RBMS2: variants seen among roughly 807,000 people sequenced by gnomAD.
RBMS2 encodes the protein RNA-binding motif, single-stranded-interacting protein 2.
RBMS2 carries 38 observed loss-of-function variants against 58.4 expected under a neutral mutation model. The ratio of observed to expected loss-of-function variants is 0.65; its 90% CI spans 0.50 to 0.85. RBMS2 has a LOEUF of 0.85. RBMS2 is among the 40% of genes least tolerant of loss of function. RBMS2 has a pLI of 0.00. For missense variants in RBMS2, 367 were observed against 503.7 expected, an observed-to-expected ratio of 0.73 and a Z score of 2.60; for synonymous variants, 151 against 180.7, an observed-to-expected ratio of 0.84 and a Z score of 1.32.
At chr12:56,561,765 C>T (rs540390511) in intron 1 of RBMS2, among the ~76,000 whole-genome samples, 4 of 63,520 alleles carry the variant, frequency 6.3e-5, no homozygotes, top group East Asian at 5.1e-4. Context: ...TCCACCCCCC[C>T]CCTCCTTGGC....
At chr12:56,538,735 C>A (rs935616900) in intron 1 of RBMS2, among the ~76,000 whole-genome samples, 1 of 152,024 alleles carries the variant, frequency 6.6e-6, no homozygotes, top group Non-Finnish European at 1.5e-5. Flanking sequence ...CCGCCTTGGC[C>A]TCCCAAAGTG....
chr12:56,549,176 G>A (rs1459693339), intron 1 of RBMS2, among the ~76,000 whole-genome samples: 2 of 151,854 alleles, frequency 1.3e-5, no homozygotes, highest in Non-Finnish European at 2.9e-5. Context: ...TTTATTTTTA[G>A]TAGAGACGGG....
In RBMS2 at chr12:56,577,666, G is replaced by A. The variant is rs369448461; in HGVS notation, c.543-3518G>A. Among the ~76,000 whole-genome samples, 68 of 151,432 alleles carry A rather than the reference G, an allele frequency of 4.5e-4. 1 individual carries two copies. In the East Asian group the frequency reaches 0.012, roughly 26 times the overall value. ...ATTTTTTGGTGGGGGGATGGTGGGGGCAGCAAATTTTTTAATTTTTTAATT... is the reference window on the plus strand; with the variant it reads ...ATTTTTTGGTGGGGGGATGGTGGGGACAGCAAATTTTTTAATTTTTTAATT... On this transcript the variant is annotated intron_variant, in intron 5 of 13. Coordinates refer to ENST00000262031, the MANE Select transcript of RBMS2 (RefSeq NM_002898.4).
rs1885691541 is a variant in RBMS2 at position 56,595,530 on chromosome 12, C to T, written c.*6397C>T. On this transcript the variant is annotated 3_prime_UTR_variant, in exon 14 of 14. Coordinates refer to ENST00000262031, the MANE Select transcript of RBMS2 (RefSeq NM_002898.4). Reference sequence around the variant, plus strand: ...CCCCTGGTCTTTTCCTTGTCCTTCCCTACAACTTGGTAGAGGTCCATTTTG... The same window carrying T: ...CCCCTGGTCTTTTCCTTGTCCTTCCTTACAACTTGGTAGAGGTCCATTTTG... 2 of 152,122 alleles carry T rather than the reference C, an allele frequency of 1.3e-5. No individual in the cohort carries two copies. Among genetic ancestry groups the T allele is most frequent in the Non-Finnish European group, 2.9e-5 (2 of 68,026 alleles). The allele number at this position is 152,122 out of a possible 1,614,324, so 9.4% of individuals were successfully genotyped here. A position where few individuals can be genotyped will look rare whatever the true frequency, so the allele number is the denominator to read the frequency against.
intron 1 of RBMS2, chr12:56,539,696 G>A (rs758065271): frequency 3.1e-5 from 14 of 451,306 alleles, no homozygotes; most frequent in African/African-American, 1.6e-4. Flanking sequence ...ATGGAGTTTC[G>A]TTCGCTCTTG....
chr12:56,541,974 T>TA (rs1176999180), intron 1 of RBMS2, among the ~76,000 whole-genome samples: 1 of 152,150 alleles, frequency 6.6e-6, no homozygotes, highest in Admixed American at 6.5e-5. Context: ...AAAATAAACA[T>TA]AAAAAATTTT....
intron 1 of RBMS2, among the ~76,000 whole-genome samples, chr12:56,522,397 A>T (rs1039109199): frequency 6.6e-6 from 1 of 152,128 alleles, no homozygotes; most frequent in Admixed American, 6.6e-5. Flanking sequence ...ATCAATCTCC[A>T]CAAGGATAAT....
chr12:56,558,587 TTCC>T (rs1453016827), intron 1 of RBMS2, among the ~76,000 whole-genome samples: 143 of 27,244 alleles, frequency 5.2e-3, no homozygotes, highest in African/African-American at 9.1e-3. Flanking sequence ...CTTTTTCTTT[TTCC>T]TTTTTTTTTT....
chr12:56,538,643 G>A (rs528483393), intron 1 of RBMS2, among the ~76,000 whole-genome samples: 9 of 151,538 alleles, frequency 5.9e-5, no homozygotes, highest in Admixed American at 3.3e-4. Context: ...CACCAAGCCC[G>A]GCTAATTTTT....
intron 5 of RBMS2, among the ~76,000 whole-genome samples, chr12:56,577,145 C>T (rs150304515): frequency 0.041 from 6,152 of 150,396 alleles, 400 homozygotes; most frequent in African/African-American, 0.14. Flanking sequence ...GGCTCACGCC[C>T]GTAAGCCCAG....
chr12:56,587,836 C>A, intron 11 of RBMS2, 172 bp downstream of exon 11: 2 of 627,244 alleles, frequency 3.2e-6, no homozygotes, highest in Non-Finnish European at 4.0e-6. Context: ...GCCAGGAATA[C>A]AGCCATTCTG....
intron 1 of RBMS2, among the ~76,000 whole-genome samples, chr12:56,525,370 C>T (rs1592307715): frequency 2.0e-5 from 3 of 151,802 alleles, no homozygotes; most frequent in East Asian, 3.9e-4. Context: ...TACAGGTGTG[C>T]GCCACCAGGC....
chr12:56,557,432 C>T (rs1248462011), intron 1 of RBMS2, among the ~76,000 whole-genome samples: 8 of 151,820 alleles, frequency 5.3e-5, no homozygotes, highest in African/African-American at 1.5e-4. Flanking sequence ...TCAGAAGGTA[C>T]GTGAGAATAG....
intron 5 of RBMS2, among the ~76,000 whole-genome samples, chr12:56,577,405 C>T (rs1429614370): frequency 6.6e-6 from 1 of 151,192 alleles, no homozygotes; most frequent in East Asian, 1.9e-4. Flanking sequence ...GAGCGAAACT[C>T]CATCTCAAAA....
Position 56,590,384 on chromosome 12 carries a change from G to A in RBMS2, c.*1251G>A, listed in dbSNP as rs1885217696. ...AGGCCTTTGGCAACATCTAGAGACAGTTTTGATTGCCACGCCTGGAGGTGG... is the reference window on the plus strand; with the variant it reads ...AGGCCTTTGGCAACATCTAGAGACAATTTTGATTGCCACGCCTGGAGGTGG... On this transcript the variant is annotated 3_prime_UTR_variant, in exon 14 of 14. Coordinates refer to ENST00000262031, the MANE Select transcript of RBMS2 (RefSeq NM_002898.4). 6.6e-6 allele frequency: 1 copy of A among 152,220 alleles called. No homozygotes were observed. Among genetic ancestry groups the A allele is most frequent in the Admixed American group, 6.6e-5 (1 of 15,266 alleles). 9.4% of individuals were successfully genotyped at this position (152,220 alleles called of 1,614,324 possible).
At chr12:56,586,558 C>T (rs1884698969) in intron 9 of RBMS2, among the ~76,000 whole-genome samples, 1 of 145,364 alleles carries the variant, frequency 6.9e-6, no homozygotes, top group African/African-American at 2.5e-5. Context: ...TTTCCAAACC[C>T]TTTTTTTTTT....
chr12:56,581,968 A>G, intron 8 of RBMS2, 89 bp downstream of exon 8: 1 of 1,577,370 alleles, frequency 6.3e-7, no homozygotes. Flanking sequence ...CTCTATTTGA[A>G]AGTCAAGGGA....
chr12:56,571,253 C>T (rs1011073111), intron 4 of RBMS2, among the ~76,000 whole-genome samples: 4 of 152,206 alleles, frequency 2.6e-5, no homozygotes, highest in Non-Finnish European at 5.9e-5. Context: ...TCCCTTCTCC[C>T]CTCCTCCTGC....
chr12:56,528,503 T>C (rs1336128480), intron 1 of RBMS2, among the ~76,000 whole-genome samples: 1 of 152,044 alleles, frequency 6.6e-6, no homozygotes, highest in African/African-American at 2.4e-5. Context: ...AAATAGAAAG[T>C]AGGCAAAACA....
Sources: gnomAD v4.1 joint callset for allele counts (sites outside exome capture counted in the v4.1 genomes callset) on GRCh38, gnomAD v4.1.1 for gene constraint, MANE v1.5 for transcripts, NCBI Gene and HGNC (gene_info 2026-07-23, HGNC 2026-07-21) for gene names.